The following GREP1 variants were observed in gnomAD, a reference collection of about 807,000 sequenced individuals.
GREP1 encodes the protein glycine-rich extracellular protein 1.
At position 2,991,003 on chromosome 16, in the gene GREP1, C is replaced by T. The variant is rs1450620506; in HGVS notation, c.269-45C>T. 5 of 399,150 alleles carry T rather than the reference C, an allele frequency of 1.3e-5. No individual in the cohort carries two copies. Among genetic ancestry groups the T allele is most frequent in the African/African-American group, 4.1e-5 (2 of 48,618 alleles). The allele number at this position is 399,150 out of a possible 1,614,324, so 24.7% of individuals were successfully genotyped here. On this transcript the variant is annotated intron_variant, in intron 7 of 34. Coordinates refer to ENST00000573315, the Ensembl canonical transcript of GREP1. The surrounding 1 kb of genome is among the most constrained non-coding windows in gnomAD (Gnocchi z 4.9). ...ACCCTCTGTCTCTGTCTCTGCTTGA[C>T]GCCCCATTCCCCCTCCTCATGTCCC...
chr16:2,988,956 G>A, intron 2 of GREP1: 2 of 326,116 alleles, frequency 6.1e-6, no homozygotes, highest in Admixed American at 9.9e-5. Flanking sequence ...GGAGAACTGA[G>A]CCTGCTGAGG....
chr16:2,993,308 C>G (rs1160588371), intron 10 of GREP1: 1 of 190,376 alleles, frequency 5.3e-6, no homozygotes, highest in Non-Finnish European at 1.1e-5. Flanking sequence ...GCCCCAATCT[C>G]TAGCCTCCCA....
Position 2,992,575 on chromosome 16 carries a change from C to A in GREP1, c.323-230C>A. 2.7e-6 allele frequency: 1 copy of A among 372,932 alleles called. No homozygotes were observed. Among genetic ancestry groups the A allele is most frequent in the Non-Finnish European group, 4.8e-6 (1 of 209,914 alleles). The allele number at this position is 372,932 out of a possible 1,614,324, so 23.1% of individuals were successfully genotyped here. ...TGAGCACCCGTCCCAAGCCAGGCCT[C>A]GGCTGGCCATGGAGGACACCCAAGC... On this transcript the variant is annotated intron_variant, in intron 8 of 34. Transcript: ENST00000573315. The surrounding 1 kb of genome is among the most constrained non-coding windows in gnomAD (Gnocchi z 4.9).
intron 19 of GREP1, 24 bp downstream of exon 18, chr16:2,996,555 G>A (rs974311405): frequency 3.5e-5 from 14 of 399,258 alleles, no homozygotes; most frequent in Middle Eastern, 6.2e-4. Flanking sequence ...GGCCTGGCTC[G>A]CGAGGGGTCG....
At chr16:2,995,290 G>A (rs530461597) in exon 14 of GREP1, 20 of 399,048 alleles carry the variant, frequency 5.0e-5, no homozygotes, top group African/African-American at 3.9e-4. Context: ...AAAGGCTTTA[G>A]AGGGGACATG....
Position 2,999,549 on chromosome 16 carries a change from A to ATTT in GREP1, c.1189+251_1189+253dup, listed in dbSNP as rs924789211. Among the ~76,000 whole-genome samples the ATTT allele has an allele frequency of 9.7e-4, 136 of 139,524 alleles. No individual in the cohort carries two copies. In the Middle Eastern group the frequency reaches 0.013, roughly 13 times the overall value. 91.5% of individuals were successfully genotyped at this position (139,524 alleles called of 152,430 possible). A position where few individuals can be genotyped will look rare whatever the true frequency, so the allele number is the denominator to read the frequency against. ...GCCCAGGCTGGAATGCAGTGGTGCA[A>ATTT]TTTTGGCTCACTGCAAAATACGCCT... On this transcript the variant is annotated intron_variant, in intron 27 of 34. Transcript: ENST00000573315.
At position 3,001,544 on chromosome 16, in the gene GREP1, G is replaced by T. The variant is rs777277266; in HGVS notation, c.1586-17G>T. On this transcript the variant is annotated splice_polypyrimidine_tract_variant and intron_variant, in intron 34 of 34. Coordinates refer to ENST00000573315, the Ensembl canonical transcript of GREP1. ...CAGGGCCCCGCCCCTCCCTAGCCCA[G>T]CTCTATGTCTTCCCAGGCCGCTGCC... The T allele has an allele frequency of 5.0e-6, 2 of 399,076 alleles. No homozygotes were observed. 24.7% of individuals were successfully genotyped at this position (399,076 alleles called of 1,614,324 possible).
chr16:3,000,889 C>G (rs1275722245), intron 33 of GREP1, 62 bp downstream of exon 27: 4 of 398,304 alleles, frequency 1.0e-5, no homozygotes, highest in Non-Finnish European at 1.8e-5. Flanking sequence ...GAACTGGGCC[C>G]TGGGCCCAGG....
chr16:2,994,037 AGGCCCTCCCCAACCAGGGCCACGCT>A (rs1231972552), intron 10 of GREP1: 2 of 152,502 alleles, frequency 1.3e-5, no homozygotes, highest in East Asian at 3.9e-4. Flanking sequence ...TGCTGGGGAC[AGGCCCTCCCCAACCAGGGCCACGCT>A]GGGGCATACA....
rs1246540627 is a variant in GREP1 at position 2,992,422 on chromosome 16, AC to A, written c.323-381del. On this transcript the variant is annotated intron_variant, in intron 8 of 34. Transcript: ENST00000573315. The surrounding 1 kb of genome is among the most constrained non-coding windows in gnomAD (Gnocchi z 4.9). Reference sequence around the variant, plus strand: ...TCCCAGGATACAACAATGGAAACGGACCGGGAACCCAGCCAGGTCGGGGCCG... The same window carrying A: ...TCCCAGGATACAACAATGGAAACGGACGGGAACCCAGCCAGGTCGGGGCCG... 6.1e-6 allele frequency: 1 copy of A among 165,002 alleles called. No homozygotes were observed. Among genetic ancestry groups the A allele is most frequent in the East Asian group, 1.7e-4 (1 of 5,902 alleles). The allele number at this position is 165,002 out of a possible 1,614,324, so 10.2% of individuals were successfully genotyped here.
At position 2,989,354 on chromosome 16, in the gene GREP1, C is replaced by T; in HGVS notation, c.101-169C>T. ...AAGGGAGGTGGCATCCAGATTTGGG[C>T]CCCTTTGTCCCCTTGTAAGTTCCCC... On this transcript the variant is annotated intron_variant, in intron 2 of 34. Coordinates refer to ENST00000573315, the Ensembl canonical transcript of GREP1. The surrounding 1 kb of genome is among the most constrained non-coding windows in gnomAD (Gnocchi z 4.2). The T allele has an allele frequency of 2.5e-6, 1 of 397,472 alleles. No homozygotes were observed. Among genetic ancestry groups the T allele is most frequent in the Non-Finnish European group, 4.4e-6 (1 of 225,654 alleles). The allele number at this position is 397,472 out of a possible 1,614,324, so 24.6% of individuals were successfully genotyped here.
At position 2,989,857 on chromosome 16, in the gene GREP1, C is replaced by G. The variant is rs767039502; in HGVS notation, c.131-117C>G. On this transcript the variant is annotated intron_variant, in intron 3 of 34. Transcript: ENST00000573315. The surrounding 1 kb of genome is among the most constrained non-coding windows in gnomAD (Gnocchi z 4.2). ...CCACCTGTGCCCCACAGCCCTCCCCCATCATGGGAAGGGACTGAGTTCCCA... is the reference window on the plus strand; with the variant it reads ...CCACCTGTGCCCCACAGCCCTCCCCGATCATGGGAAGGGACTGAGTTCCCA... The G allele has an allele frequency of 2.4e-4, 97 of 398,492 alleles. 1 individual carries two copies. The highest frequency in any genetic ancestry group is 1.8e-3 in the African/African-American group (89 of 48,704). 24.7% of individuals were successfully genotyped at this position (398,492 alleles called of 1,614,324 possible).
Position 2,991,411 on chromosome 16 carries a change from C to G in GREP1, c.322+310C>G, listed in dbSNP as rs1240670300. ...AGCAGAAGTGGTTTGGGCGCTGGCA[C>G]TCTTCCAGGGGCAGGAACCCCACCA... On this transcript the variant is annotated intron_variant, in intron 8 of 34. Transcript: ENST00000573315. The surrounding 1 kb of genome is among the most constrained non-coding windows in gnomAD (Gnocchi z 4.9). 3.4e-6 allele frequency: 1 copy of G among 292,310 alleles called. No homozygotes were observed. 18.1% of individuals were successfully genotyped at this position (292,310 alleles called of 1,614,324 possible). A position where few individuals can be genotyped will look rare whatever the true frequency, so the allele number is the denominator to read the frequency against.
Position 2,991,047 on chromosome 16 carries a change from G to T in GREP1, c.269-1G>T. 1 of 399,260 alleles carries T rather than the reference G, an allele frequency of 2.5e-6. No individual in the cohort carries two copies. The highest frequency in any genetic ancestry group is 4.4e-6 in the Non-Finnish European group (1 of 226,226). The allele number at this position is 399,260 out of a possible 1,614,324, so 24.7% of individuals were successfully genotyped here. ...ATGTCCCTCTGGCTCTGTCTCCCCA[G>T]GATATGGAAACGGGCTGGGAGCAGC... is the stretch of plus-strand genomic sequence containing the variant. On this transcript the variant is annotated splice_acceptor_variant, in intron 7 of 34. Transcript: ENST00000573315. LOFTEE classifies it high-confidence loss of function. The surrounding 1 kb of genome is among the most constrained non-coding windows in gnomAD (Gnocchi z 4.9).
chr16:2,994,402 A>T, intron 10 of GREP1: 2 of 224,316 alleles, frequency 8.9e-6, no homozygotes, highest in Non-Finnish European at 1.7e-5. Flanking sequence ...CCAGCTCCTC[A>T]GGAGACTGAG....
chr16:2,996,683 G>C (rs552824085), exon 20 of GREP1: 3 of 398,848 alleles, frequency 7.5e-6, no homozygotes, highest in South Asian at 1.3e-4. Flanking sequence ...GCCTAGGAGC[G>C]GGGATGAAGC....
intron 29 of GREP1, 71 bp downstream of exon 26, chr16:3,000,189 T>C (rs537679713): frequency 1.0e-5 from 4 of 399,304 alleles, no homozygotes; most frequent in African/African-American, 8.2e-5. Context: ...AGTCAGTCTG[T>C]CTGTCCGCAT....
At position 2,995,788 on chromosome 16, in the gene GREP1, C is replaced by T. The variant is rs987582145; in HGVS notation, c.622+17C>T. ...TGAAGCCAGGTGAGCCCCGCCCGCC[C>T]TGGTCTGCCTCTCTATGCACGAACC... On this transcript the variant is annotated intron_variant, in intron 17 of 34. Transcript: ENST00000573315. The T allele has an allele frequency of 2.5e-6, 1 of 398,594 alleles. No homozygotes were observed. Among genetic ancestry groups the T allele is most frequent in the African/African-American group, 2.1e-5 (1 of 48,616 alleles). 24.7% of individuals were successfully genotyped at this position (398,594 alleles called of 1,614,324 possible).
chr16:2,996,241 GC>G (rs2072424313), intron 18 of GREP1, among the ~76,000 whole-genome samples: 1 of 152,342 alleles, frequency 6.6e-6, no homozygotes, highest in East Asian at 1.9e-4. Flanking sequence ...CTGAGCCCAG[GC>G]TTCTTAGAGG....
Sources: gnomAD v4.1 joint callset for allele counts (sites outside exome capture counted in the v4.1 genomes callset) on GRCh38, gnomAD v4.1.1 for gene constraint, Gnocchi (gnomAD v3.1) non-coding constraint, MANE v1.5 for transcripts, NCBI Gene and HGNC (gene_info 2026-07-23, HGNC 2026-07-21) for gene names.